CNTNAP4: variants seen among roughly 807,000 people sequenced by gnomAD.
CNTNAP4 encodes contactin-associated protein-like 4.
CNTNAP4 carries 98 observed loss-of-function variants against 148.4 expected under a neutral mutation model. That is an observed-to-expected ratio of 0.66 (90% confidence interval 0.56 to 0.78). The LOEUF (loss-of-function observed/expected upper bound fraction) is 0.78, where lower values mean the gene tolerates loss of function less well. Ranked by LOEUF, CNTNAP4 falls within the 30% of genes least tolerant of loss-of-function variation. The pLI is 0.00. For synonymous variants in CNTNAP4, 730 were observed against 565.1 expected, an observed-to-expected ratio of 1.29 and a Z score of -4.14; for missense variants, 1,935 against 1,565.6, an observed-to-expected ratio of 1.24 and a Z score of -3.98.
At chr16:76,325,417 G>C (rs1461499624) in intron 2 of CNTNAP4, among the ~76,000 whole-genome samples, 2 of 152,012 alleles carry the variant, frequency 1.3e-5, no homozygotes, top group Non-Finnish European at 2.9e-5. Flanking sequence ...ACCATAAATT[G>C]TTTCAATATA....
rs71134756 is a variant in CNTNAP4 at position 76,397,945 on chromosome 16, CATATATATATATATATATATATATAT to C, written c.391-29476_391-29451del. Among the ~76,000 whole-genome samples the C allele has an allele frequency of 2.9e-4, 7 of 24,124 alleles. 1 individual carries two copies. Among genetic ancestry groups the C allele is most frequent in the Admixed American group, 1.8e-3 (3 of 1,698 alleles). The allele number at this position is 24,124 out of a possible 152,430, so 15.8% of individuals were successfully genotyped here. A position where few individuals can be genotyped will look rare whatever the true frequency, so the allele number is the denominator to read the frequency against. ...AGGGACAGAACTAATAGATTATATACATATATATATATATATATATATATATATATATATATATATATATATATATA... is the reference window on the plus strand; with the variant it reads ...AGGGACAGAACTAATAGATTATATACATATATATATATATATATATATATA... On this transcript the variant is annotated intron_variant, in intron 3 of 23. Transcript: ENST00000611870.
chr16:76,553,098 A>G (rs182890463), intron 21 of CNTNAP4, among the ~76,000 whole-genome samples, 185 bp from the exon 22 acceptor site: 88 of 152,330 alleles, frequency 5.8e-4, no homozygotes, highest in Admixed American at 1.5e-3. Flanking sequence ...GACTTCATTA[A>G]CATTGGAAAT....
At chr16:76,470,154 T>C (rs1191376794) in intron 10 of CNTNAP4, among the ~76,000 whole-genome samples, 3 of 152,058 alleles carry the variant, frequency 2.0e-5, no homozygotes, top group Non-Finnish European at 2.9e-5. Flanking sequence ...TTGGCTAAAA[T>C]GACATGGCTA....
intron 3 of CNTNAP4, among the ~76,000 whole-genome samples, chr16:76,380,103 T>C (rs1174451377): frequency 6.6e-6 from 1 of 152,242 alleles, no homozygotes; most frequent in Non-Finnish European, 1.5e-5. Context: ...TTGTAGTATT[T>C]CAAGATATTA....
intron 2 of CNTNAP4, among the ~76,000 whole-genome samples, chr16:76,334,382 A>G (rs1963837804): frequency 1.3e-5 from 2 of 152,114 alleles, no homozygotes; most frequent in African/African-American, 2.4e-5. Flanking sequence ...TAGCCAGGCC[A>G]TATAAAACTC....
chr16:76,470,713 G>A (rs1348847664), intron 10 of CNTNAP4, among the ~76,000 whole-genome samples: 2 of 150,012 alleles, frequency 1.3e-5, no homozygotes, highest in East Asian at 2.0e-4. Flanking sequence ...ACAATCTGAC[G>A]GGAACTTAAA....
At chr16:76,443,708 G>T (rs547157039) in intron 4 of CNTNAP4, among the ~76,000 whole-genome samples, 2 of 152,088 alleles carry the variant, frequency 1.3e-5, no homozygotes, top group African/African-American at 2.4e-5. Flanking sequence ...AATAAATATT[G>T]ATTTGTACTA....
At chr16:76,289,528 A>ATTTT (rs5817978) in intron 1 of CNTNAP4, among the ~76,000 whole-genome samples, 2,349 of 141,948 alleles carry the variant, frequency 0.017, 75 homozygotes, top group African/African-American at 0.059. Context: ...TGCCTTTAGC[A>ATTTT]TTTTTTTTTT....
intron 4 of CNTNAP4, among the ~76,000 whole-genome samples, chr16:76,446,749 A>G (rs2080264075): frequency 6.6e-6 from 1 of 152,190 alleles, no homozygotes; most frequent in African/African-American, 2.4e-5. Context: ...AAGACAAAAC[A>G]CAAAGATCAG....
Position 76,449,762 on chromosome 16 carries a change from A to C in CNTNAP4, c.975A>C (p.Pro325=). ...CACCTGGAAAATCAGTGTCATTCCC[A>C]CATAGAAATTTTCATGGATGTTTAG... is the stretch of plus-strand genomic sequence containing the variant. ...IPAPGKSVSF[P]HRNFHGCLEN... is the part of the protein sequence containing the mutation. The change falls in exon 7 of 24, where the codon CCA becomes CCC. Residue 325 remains proline, a synonymous_variant. Coordinates refer to ENST00000611870, the MANE Select transcript of CNTNAP4 (RefSeq NM_033401.5). 1 of 1,597,708 alleles carries C rather than the reference A, an allele frequency of 6.3e-7. No individual in the cohort carries two copies. Among genetic ancestry groups the C allele is most frequent in the South Asian group, 1.1e-5 (1 of 88,010 alleles).
intron 4 of CNTNAP4, among the ~76,000 whole-genome samples, chr16:76,438,733 C>T (rs991443858): frequency 2.0e-5 from 3 of 152,080 alleles, no homozygotes; most frequent in Middle Eastern, 3.2e-3. Flanking sequence ...CCCACACTCT[C>T]CCTTTTCCCA....
intron 3 of CNTNAP4, among the ~76,000 whole-genome samples, chr16:76,414,446 T>C (rs1050582125): frequency 2.6e-5 from 4 of 151,224 alleles, no homozygotes; most frequent in Non-Finnish European, 5.9e-5. Flanking sequence ...TTTTAAGGAG[T>C]TTTGGATTGG....
chr16:76,440,668 G>A (rs2080000662), intron 4 of CNTNAP4, among the ~76,000 whole-genome samples: 1 of 152,136 alleles, frequency 6.6e-6, no homozygotes, highest in Non-Finnish European at 1.5e-5. Context: ...CTGTATTCCT[G>A]TTCCAGGTTA....
At chr16:76,540,352 T>C (rs1016006358) in intron 20 of CNTNAP4, among the ~76,000 whole-genome samples, 12 of 152,102 alleles carry the variant, frequency 7.9e-5, no homozygotes, top group Non-Finnish European at 1.8e-4. Context: ...AGTAAAAGTG[T>C]TAAGGTGAAA....
intron 3 of CNTNAP4, among the ~76,000 whole-genome samples, chr16:76,398,430 G>T (rs573949461): frequency 1.3e-5 from 2 of 152,154 alleles, no homozygotes; most frequent in South Asian, 4.1e-4. Context: ...ACTGCATTCT[G>T]TGCACCTACC....
chr16:76,428,718 C>A (rs1377368846), intron 4 of CNTNAP4, among the ~76,000 whole-genome samples: 2 of 151,878 alleles, frequency 1.3e-5, no homozygotes, highest in Non-Finnish European at 2.9e-5. Flanking sequence ...CAGAATAATA[C>A]TAATAAAAGT....
intron 1 of CNTNAP4, among the ~76,000 whole-genome samples, chr16:76,285,064 G>T (rs1009017138): frequency 7.2e-5 from 11 of 151,988 alleles, no homozygotes; most frequent in African/African-American, 2.2e-4. Context: ...TAATGATAAA[G>T]AATGTACATG....
chr16:76,384,224 G>A (rs1409475172), intron 3 of CNTNAP4, among the ~76,000 whole-genome samples: 1 of 151,638 alleles, frequency 6.6e-6, no homozygotes, highest in Admixed American at 6.6e-5. Context: ...TTGTATTTCT[G>A]GTGGAGATGA....
At chr16:76,343,790 AATC>A (rs1420128368) in intron 2 of CNTNAP4, among the ~76,000 whole-genome samples, 10 of 152,162 alleles carry the variant, frequency 6.6e-5, no homozygotes, top group Admixed American at 5.2e-4. Flanking sequence ...CACGTGTAAT[AATC>A]AAGAATAAGG....
Sources: allele counts gnomAD v4.1 joint callset (sites outside exome capture counted in the v4.1 genomes callset), GRCh38; gene constraint gnomAD v4.1.1; transcripts MANE v1.5; gene names NCBI Gene and HGNC (gene_info 2026-07-23, HGNC 2026-07-21).